Variants in CDH9 observed in about 807,000 individuals in gnomAD.
CDH9 encodes the protein cadherin-9.
CDH9 carries 28 observed loss-of-function variants against 70.9 expected under a neutral mutation model. The ratio of observed to expected loss-of-function variants is 0.40; its 90% CI spans 0.29 to 0.54. CDH9 has a LOEUF of 0.54. Among genes scored for constraint, CDH9 ranks in the 20% least tolerant of loss-of-function variants. CDH9 has a pLI of 0.59. For missense variants in CDH9, 874 were observed against 984.4 expected, an observed-to-expected ratio of 0.89 and a Z score of 1.50; for synonymous variants, 409 against 343.1, an observed-to-expected ratio of 1.19 and a Z score of -2.12.
intron 1 of CDH9, among the ~76,000 whole-genome samples, chr5:27,032,261 T>A (rs1053745787): frequency 1.1e-4 from 17 of 151,598 alleles, no homozygotes; most frequent in Non-Finnish European, 2.5e-4. Context: ...ATTATAAAGA[T>A]AAATATATTT....
intron 3 of CDH9, among the ~76,000 whole-genome samples, chr5:26,908,071 G>A (rs1024355233): frequency 6.6e-6 from 1 of 152,058 alleles, no homozygotes; most frequent in Non-Finnish European, 1.5e-5. Flanking sequence ...ATTGAGCAAG[G>A]CTTTTTAATG....
At chr5:26,966,587 C>T (rs1285915777) in intron 2 of CDH9, among the ~76,000 whole-genome samples, 1 of 152,120 alleles carries the variant, frequency 6.6e-6, no homozygotes, top group Non-Finnish European at 1.5e-5. Flanking sequence ...AAGTTTTCTT[C>T]TAATACTCCT....
chr5:26,922,821 A>G (rs1377107627), intron 2 of CDH9, among the ~76,000 whole-genome samples: 2 of 151,988 alleles, frequency 1.3e-5, no homozygotes, highest in African/African-American at 4.8e-5. Context: ...AGATATAAAC[A>G]GAAAAACAAA....
In CDH9 at chr5:26,885,792, A is replaced by C. The variant is rs201744411; in HGVS notation, c.1704T>G (p.Ile568Met). The change falls in exon 11 of 12, where the codon ATT (isoleucine) becomes ATG (methionine). Residue 568 changes from isoleucine (I) to methionine (M), a missense_variant. Transcript: ENST00000231021. Reference sequence around the variant, plus strand: ...TTGGATAATCGTTGTCAAAGATTAAAATCGGCAATAAGTAGGTGCTCATTT... The same window carrying C: ...TTGGATAATCGTTGTCAAAGATTAACATCGGCAATAAGTAGGTGCTCATTT... ...RNKMSTYLLPILIFDNDYPIQ... is the reference protein window; with the variant it reads ...RNKMSTYLLPMLIFDNDYPIQ... 9.9e-6 allele frequency: 16 copies of C among 1,613,936 alleles called. No individual in the cohort carries two copies. In the East Asian group the frequency reaches 1.1e-4, roughly 11 times the overall value.
At chr5:27,020,586 G>T (rs1253977173) in intron 1 of CDH9, among the ~76,000 whole-genome samples, 1 of 151,430 alleles carries the variant, frequency 6.6e-6, no homozygotes, top group African/African-American at 2.4e-5. Context: ...TGTTTATTTT[G>T]TGCATATTAT....
chr5:26,938,011 A>C, intron 2 of CDH9, among the ~76,000 whole-genome samples: 1 of 152,268 alleles, frequency 6.6e-6, no homozygotes. Flanking sequence ...ATATTGGAAT[A>C]TCATTTTTTA....
At chr5:26,917,015 A>G (rs1224882081) in intron 2 of CDH9, among the ~76,000 whole-genome samples, 1 of 151,978 alleles carries the variant, frequency 6.6e-6, no homozygotes, top group Non-Finnish European at 1.5e-5. Flanking sequence ...TAGGAGGCTG[A>G]TCATTGAATA....
intron 2 of CDH9, among the ~76,000 whole-genome samples, chr5:26,975,055 T>TA (rs1411055988): frequency 6.6e-6 from 1 of 152,150 alleles, no homozygotes; most frequent in Non-Finnish European, 1.5e-5. Flanking sequence ...GTTTACAAGA[T>TA]AAAGGCTGAC....
chr5:26,993,186 C>A (rs1350154227), intron 1 of CDH9, among the ~76,000 whole-genome samples: 2 of 150,694 alleles, frequency 1.3e-5, no homozygotes, highest in Non-Finnish European at 2.9e-5. Flanking sequence ...TTCTAGTGAA[C>A]TTCCAGATGG....
chr5:26,899,618 G>T (rs968022236), intron 7 of CDH9, among the ~76,000 whole-genome samples: 3 of 151,996 alleles, frequency 2.0e-5, no homozygotes, highest in Non-Finnish European at 2.9e-5. Context: ...CATGGACACA[G>T]GGAGAACATC....
intron 2 of CDH9, among the ~76,000 whole-genome samples, chr5:26,967,708 C>T (rs1742152480): frequency 6.6e-6 from 1 of 150,606 alleles, no homozygotes; most frequent in Admixed American, 6.7e-5. Flanking sequence ...TTTTTTACAC[C>T]TTTTTTTTTC....
Position 26,889,852 on chromosome 5 carries a change from T to C in CDH9, c.1496A>G (p.Asn499Ser), listed in dbSNP as rs759983762. The change falls in exon 9 of 12, where the codon AAT (asparagine) becomes AGT (serine). Residue 499 changes from asparagine to serine, a missense_variant. Coordinates refer to ENST00000231021, the MANE Select transcript of CDH9 (RefSeq NM_016279.4). ...TTTATTTACCTGCCCAGGTTTTGCATTTTCACAAACAAATGTTTCATAATA... is the reference window on the plus strand; with the variant it reads ...TTTATTTACCTGCCCAGGTTTTGCACTTTCACAAACAAATGTTTCATAATA... ...AMYYETFVCENAKPGQLIQTV... is the reference protein window; with the variant it reads ...AMYYETFVCESAKPGQLIQTV... 2 of 1,591,704 alleles carry C rather than the reference T, an allele frequency of 1.3e-6. No individual in the cohort carries two copies. The highest frequency in any genetic ancestry group is 1.7e-6 in the Non-Finnish European group (2 of 1,162,550).
At chr5:26,915,201 A>G (rs1486946785) in intron 3 of CDH9, among the ~76,000 whole-genome samples, 4 of 152,044 alleles carry the variant, frequency 2.6e-5, no homozygotes, top group Non-Finnish European at 2.9e-5. Context: ...TGCCTACCAC[A>G]TAAGTTGGCT....
intron 3 of CDH9, among the ~76,000 whole-genome samples, chr5:26,907,617 A>C (rs901000226): frequency 2.0e-5 from 3 of 152,092 alleles, no homozygotes; most frequent in African/African-American, 7.2e-5. Flanking sequence ...ATCTTTCAAA[A>C]CATAAAAGTG....
At chr5:26,962,190 G>A (rs1175621087) in intron 2 of CDH9, among the ~76,000 whole-genome samples, 1 of 152,120 alleles carries the variant, frequency 6.6e-6, no homozygotes, top group Non-Finnish European at 1.5e-5. Context: ...ATTCCATGGT[G>A]TATATTTGGC....
intron 1 of CDH9, among the ~76,000 whole-genome samples, chr5:27,006,715 A>C (rs1742870730): frequency 6.6e-6 from 1 of 152,144 alleles, no homozygotes; most frequent in Admixed American, 6.6e-5. Context: ...TGGTTCCTGA[A>C]AATACCTTGA....
chr5:26,906,919 C>G (rs547025735), intron 3 of CDH9, 81 bp from the exon 4 acceptor site: 6 of 1,451,382 alleles, frequency 4.1e-6, no homozygotes, highest in East Asian at 4.8e-5. Context: ...ATATGTTGCT[C>G]TCAGTGTTTT....
intron 2 of CDH9, among the ~76,000 whole-genome samples, chr5:26,919,181 A>G (rs1346205416): frequency 6.6e-6 from 1 of 152,144 alleles, no homozygotes; most frequent in Non-Finnish European, 1.5e-5. Context: ...GGTAGAAAAG[A>G]CAGTCTTGAA....
At chr5:26,972,162 T>A (rs1742230893) in intron 2 of CDH9, among the ~76,000 whole-genome samples, 1 of 152,126 alleles carries the variant, frequency 6.6e-6, no homozygotes, top group African/African-American at 2.4e-5. Flanking sequence ...AGTAACAGGA[T>A]AAAAAACTTA....
Sources: gnomAD v4.1 joint callset for allele counts (sites outside exome capture counted in the v4.1 genomes callset) on GRCh38, gnomAD v4.1.1 for gene constraint, MANE v1.5 for transcripts, NCBI Gene and HGNC (gene_info 2026-07-23, HGNC 2026-07-21) for gene names.